ANXA4: variants seen among roughly 807,000 people sequenced by gnomAD.
ANXA4 encodes the protein 35-beta calcimedin.
A neutral mutation model predicts 49.8 loss-of-function variants in ANXA4; 39 were observed. That is an observed-to-expected ratio of 0.78 (90% CI 0.61 to 1.02). ANXA4 has a LOEUF of 1.02. ANXA4 is among the 50% of genes least tolerant of loss of function. The pLI is 0.00. For synonymous variants in ANXA4, 134 were observed against 152.5 expected (o/e 0.88, Z 0.89); for missense variants, 360 against 410.1 (o/e 0.88, Z 1.05).
At chr2:69,656,189 GTATATA>G (rs151207766) in intron 2 of ANXA4, among the ~76,000 whole-genome samples, 1 of 127,938 alleles carries the variant, frequency 7.8e-6, no homozygotes, top group East Asian at 2.6e-4. Flanking sequence ...ATATATATAC[GTATATA>G]TATATATATA....
At chr2:69,811,802 C>T (rs767271388) in intron 7 of ANXA4, among the ~76,000 whole-genome samples, 7 of 152,144 alleles carry the variant, frequency 4.6e-5, no homozygotes, top group Non-Finnish European at 7.3e-5. Flanking sequence ...TTCCACTTTG[C>T]TCTTGTCTCC....
chr2:69,813,249 A>ATT (rs34973123), intron 8 of ANXA4, among the ~76,000 whole-genome samples: 6 of 142,718 alleles, frequency 4.2e-5, no homozygotes, highest in Non-Finnish European at 4.6e-5. Flanking sequence ...CTGTTCTAAA[A>ATT]TTTTTTTTTT....
chr2:69,737,308 T>C (rs185318190), upstream of ANXA4, among the ~76,000 whole-genome samples: 228 of 152,332 alleles, frequency 1.5e-3, 2 homozygotes, highest in African/African-American at 5.2e-3. Context: ...TCCATTGCAC[T>C]ATGCTCAGTG....
chr2:69,767,701 G>A (rs1037212088), intron 1 of ANXA4, among the ~76,000 whole-genome samples: 5 of 152,170 alleles, frequency 3.3e-5, no homozygotes, highest in Admixed American at 6.5e-5. Flanking sequence ...CTGTCTGCCC[G>A]TCAAAAGTGT....
At chr2:69,743,710 A>G (rs1670499334) in intron 1 of ANXA4, among the ~76,000 whole-genome samples, 1 of 152,292 alleles carries the variant, frequency 6.6e-6, no homozygotes, top group Admixed American at 6.5e-5. Flanking sequence ...AGATAGAGAC[A>G]CAAGTACACC....
chr2:69,792,244 T>C (rs994348312), intron 3 of ANXA4, among the ~76,000 whole-genome samples: 2 of 152,240 alleles, frequency 1.3e-5, no homozygotes, highest in African/African-American at 4.8e-5. Context: ...TTTGCCAAAA[T>C]GTTGAGCCAG....
intron 3 of ANXA4, among the ~76,000 whole-genome samples, chr2:69,728,388 C>T (rs59451097): frequency 0.066 from 10,020 of 152,162 alleles, 976 homozygotes; most frequent in African/African-American, 0.22. Flanking sequence ...TTTAATATAA[C>T]TGAATTTATT....
chr2:69,653,908 A>G (rs1350730122), intron 2 of ANXA4, among the ~76,000 whole-genome samples: 3 of 152,182 alleles, frequency 2.0e-5, no homozygotes, highest in Admixed American at 1.3e-4. Context: ...GATTCTTTCT[A>G]TCTATGAGCA....
chr2:69,795,352 C>A (rs1408775185), intron 3 of ANXA4, among the ~76,000 whole-genome samples: 1 of 152,108 alleles, frequency 6.6e-6, no homozygotes, highest in Non-Finnish European at 1.5e-5. Flanking sequence ...AAAAAGGCAT[C>A]CTTTAAATCT....
At chr2:69,702,672 C>T (rs1227260509) in intron 2 of ANXA4, among the ~76,000 whole-genome samples, 1 of 152,150 alleles carries the variant, frequency 6.6e-6, no homozygotes. Flanking sequence ...ATGATTGTAC[C>T]ACTGTACTCC....
intron 3 of ANXA4, 127 bp downstream of exon 3, chr2:69,788,268 TG>T: frequency 1.3e-6 from 1 of 797,420 alleles, no homozygotes; most frequent in Non-Finnish European, 2.0e-6. Flanking sequence ...AGGCTGGGTG[TG>T]GGGCTCATGC....
At chr2:69,819,417 A>T in intron 11 of ANXA4, 79 bp downstream of exon 11, 1 of 1,052,978 alleles carries the variant, frequency 9.5e-7, no homozygotes. Context: ...TATATCCCCT[A>T]TCCAAACTTT....
intron 2 of ANXA4, among the ~76,000 whole-genome samples, chr2:69,699,798 A>G (rs1432258859): frequency 6.6e-6 from 1 of 152,218 alleles, no homozygotes; most frequent in East Asian, 1.9e-4. Flanking sequence ...TGCAGCTTTG[A>G]GGCTTTCAAG....
intron 3 of ANXA4, among the ~76,000 whole-genome samples, chr2:69,801,722 A>C (rs1016285779): frequency 6.6e-6 from 1 of 152,142 alleles, no homozygotes; most frequent in African/African-American, 2.4e-5. Context: ...CTATCTGCTT[A>C]AACAATTTCT....
intron 1 of ANXA4, among the ~76,000 whole-genome samples, chr2:69,746,343 C>T (rs1670612578): frequency 6.6e-6 from 1 of 152,164 alleles, no homozygotes; most frequent in Non-Finnish European, 1.5e-5. Context: ...ATCACATCTC[C>T]CTTGTGATTT....
chr2:69,725,163 A>G (rs1274995255), intron 3 of ANXA4, among the ~76,000 whole-genome samples: 6 of 152,202 alleles, frequency 3.9e-5, no homozygotes, highest in African/African-American at 1.4e-4. Context: ...TACTGATAAC[A>G]TAATGGATGT....
chr2:69,757,159 C>T (rs926338754), intron 1 of ANXA4, among the ~76,000 whole-genome samples: 2 of 147,886 alleles, frequency 1.4e-5, no homozygotes, highest in African/African-American at 4.9e-5. Flanking sequence ...GAACTCCTAA[C>T]CTCAGGTGAT....
chr2:69,769,568 C>T (rs1671630407), intron 1 of ANXA4, among the ~76,000 whole-genome samples: 1 of 152,176 alleles, frequency 6.6e-6, no homozygotes, highest in Non-Finnish European at 1.5e-5. Context: ...CCTTCCCCTG[C>T]CTTTTAGACA....
At chr2:69,715,137 C>T (rs1214184822) in intron 2 of ANXA4, among the ~76,000 whole-genome samples, 1 of 152,230 alleles carries the variant, frequency 6.6e-6, no homozygotes, top group Non-Finnish European at 1.5e-5. Flanking sequence ...GAGCCCTGCT[C>T]TTATAACCAA....
Sources: allele counts gnomAD v4.1 joint callset (sites outside exome capture counted in the v4.1 genomes callset), GRCh38; gene constraint gnomAD v4.1.1; transcripts MANE v1.5; gene names NCBI Gene and HGNC (gene_info 2026-07-23, HGNC 2026-07-21).